The following ST3GAL1 variants were observed in gnomAD, a reference collection of about 807,000 sequenced individuals.
ST3GAL1 encodes CMP-N-acetylneuraminate-beta-galactosamide-alpha-2,3-sialyltransferase 1.
Under a neutral mutation model 34.1 loss-of-function variants are expected in ST3GAL1, and 16 were observed. That is an observed-to-expected ratio of 0.47 (90% CI 0.32 to 0.71). The LOEUF (loss-of-function observed/expected upper bound fraction) is 0.71. ST3GAL1 is among the 30% of genes least tolerant of loss of function. The probability of loss-of-function intolerance (pLI) is 0.04; values close to 1 mark genes in which losing one functional copy is unlikely to be tolerated. For missense variants in ST3GAL1, 353 were observed against 447.4 expected (o/e 0.79, Z 1.90); for synonymous variants, 191 against 184.7 (o/e 1.03, Z -0.28).
At chr8:133,549,505 G>A (rs910661804) in intron 1 of ST3GAL1, among the ~76,000 whole-genome samples, 6 of 152,128 alleles carry the variant, frequency 3.9e-5, no homozygotes, top group South Asian at 2.1e-4. Flanking sequence ...ACCTGTGGCC[G>A]ACTGTGATCT....
chr8:133,551,540 A>C (rs1191001656), intron 1 of ST3GAL1, among the ~76,000 whole-genome samples: 1 of 102,420 alleles, frequency 9.8e-6, no homozygotes, highest in African/African-American at 4.1e-5. Flanking sequence ...AAGAAAGAGA[A>C]GGAAAGAAAG....
At chr8:133,477,166 TTTC>T (rs1173511150) in intron 3 of ST3GAL1, among the ~76,000 whole-genome samples, 2 of 152,200 alleles carry the variant, frequency 1.3e-5, no homozygotes, top group South Asian at 2.1e-4. Flanking sequence ...TGACCCTCAG[TTTC>T]TTCTTCTGCA....
chr8:133,510,516 G>A (rs1347246496), intron 2 of ST3GAL1, among the ~76,000 whole-genome samples: 1 of 152,128 alleles, frequency 6.6e-6, no homozygotes, highest in East Asian at 1.9e-4. Flanking sequence ...AAAGCATTTG[G>A]ACCCTCAGAC....
chr8:133,564,165 G>C lies in ST3GAL1; in HGVS notation c.-582+7528C>G, dbSNP rs1018341473. 2.0e-5 allele frequency among the ~76,000 whole-genome samples: 3 copies of C among 152,226 alleles called. No individual in the cohort carries two copies. The South Asian group carries it at 6.2e-4, about 31-fold the overall frequency. ...CATCTGACTTCCTGAGAAATCAAGA[G>C]AGAGTCAATTTCTCAAATAAGCAGG... On this transcript the variant is annotated intron_variant, in intron 1 of 9. Coordinates refer to ENST00000522652, the MANE Select transcript of ST3GAL1 (RefSeq NM_173344.3).
At chr8:133,505,096 C>G (rs1287161630) in intron 2 of ST3GAL1, among the ~76,000 whole-genome samples, 1 of 152,122 alleles carries the variant, frequency 6.6e-6, no homozygotes, top group African/African-American at 2.4e-5. Context: ...TTTGGAGTTG[C>G]AGTATCCAAT....
chr8:133,519,762 A>G (rs2058911153), intron 2 of ST3GAL1, among the ~76,000 whole-genome samples: 1 of 144,100 alleles, frequency 6.9e-6, no homozygotes, highest in Non-Finnish European at 1.5e-5. Context: ...CCTGGCCAAC[A>G]TAGTGAAACC....
intron 3 of ST3GAL1, among the ~76,000 whole-genome samples, chr8:133,483,870 C>G (rs1183192637): frequency 6.6e-6 from 1 of 152,162 alleles, no homozygotes; most frequent in African/African-American, 2.4e-5. Context: ...TTTGATCTTC[C>G]CCAGGAAAAG....
chr8:133,499,176 C>T lies in ST3GAL1; in HGVS notation c.-415G>A, dbSNP rs1017223405. The T allele has an allele frequency of 6.6e-6, 1 of 152,288 alleles. No individual in the cohort carries two copies. Among genetic ancestry groups the T allele is most frequent in the African/African-American group, 2.4e-5 (1 of 41,454 alleles). 9.4% of individuals were successfully genotyped at this position (152,288 alleles called of 1,614,324 possible). On this transcript the variant is annotated 5_prime_UTR_variant, in exon 3 of 10. Transcript: ENST00000522652. ...GTGGAGTCTCTTAACCTCTCTGAACCTCAGTTTCTTCATCTGAAAAACAGA... is the reference window on the plus strand; with the variant it reads ...GTGGAGTCTCTTAACCTCTCTGAACTTCAGTTTCTTCATCTGAAAAACAGA...
rs1420396460 is a variant in ST3GAL1 at position 133,467,818 on chromosome 8, G to C, written c.307-1728C>G. ...ATGGAAGGAATCGGATGCCCCAAGG[G>C]GAGGCACACAAGCAGAACCAGATTG... On this transcript the variant is annotated intron_variant, in intron 5 of 9. Transcript: ENST00000522652. The surrounding 1 kb of genome is among the most constrained non-coding windows in gnomAD (Gnocchi z 4.2). 1.3e-5 allele frequency among the ~76,000 whole-genome samples: 2 copies of C among 152,118 alleles called. No individual in the cohort carries two copies. The highest frequency in any genetic ancestry group is 4.8e-5 in the African/African-American group (2 of 41,430).
intron 1 of ST3GAL1, among the ~76,000 whole-genome samples, chr8:133,568,276 C>T (rs965012288): frequency 2.0e-5 from 3 of 152,096 alleles, no homozygotes; most frequent in Non-Finnish European, 4.4e-5. Flanking sequence ...AGTTTGGGAG[C>T]CAAGTTGCAA....
intron 2 of ST3GAL1, among the ~76,000 whole-genome samples, chr8:133,540,288 C>A (rs1818427298): frequency 6.6e-6 from 1 of 152,224 alleles, no homozygotes; most frequent in South Asian, 2.1e-4. Flanking sequence ...CCAACAGCTC[C>A]TCGCTGCTGC....
intron 5 of ST3GAL1, among the ~76,000 whole-genome samples, chr8:133,470,774 G>C (rs947904565): frequency 6.6e-6 from 1 of 152,178 alleles, no homozygotes; most frequent in African/African-American, 2.4e-5. Flanking sequence ...AGTCGGGCAA[G>C]TGGGATAAGG....
chr8:133,546,368 A>T (rs2131076151), intron 1 of ST3GAL1, among the ~76,000 whole-genome samples: 1 of 152,014 alleles, frequency 6.6e-6, no homozygotes, highest in South Asian at 2.1e-4. Flanking sequence ...CTGTAGTCTC[A>T]GCTACTTGGG....
rs192262070 is a variant in ST3GAL1, at chr8:133,557,708, C to T, written c.-581-11782G>A. Reference sequence around the variant, plus strand: ...ACTAAAAATACAAAAATTAGCCAGGCGTGGTGGCGCGTGCCTGTAATCCCA... The same window carrying T: ...ACTAAAAATACAAAAATTAGCCAGGTGTGGTGGCGCGTGCCTGTAATCCCA... On this transcript the variant is annotated intron_variant, in intron 1 of 9. Transcript: ENST00000522652. Among the ~76,000 whole-genome samples the T allele has an allele frequency of 2.8e-4, 42 of 152,146 alleles. No homozygotes were observed. The East Asian group carries it at 5.8e-3, about 21-fold the overall frequency.
rs1816988627 is a variant in ST3GAL1, at chr8:133,497,455, A to ATTTTTTTTTTTTTTTTTT, written c.-374+1679_-374+1680insAAAAAAAAAAAAAAAAAA. On this transcript the variant is annotated intron_variant, in intron 3 of 9. Coordinates refer to ENST00000522652, the MANE Select transcript of ST3GAL1 (RefSeq NM_173344.3). The stretch of plus-strand genomic sequence containing the variant: ...CTTCTCTCCCATGCAATTTTGTTGG[A>ATTTTTTTTTTTTTTTTTT]ATTTTTTTTTTTTTTTTTTTTTTTT... Among the ~76,000 whole-genome samples, 13 of 101,242 alleles carry ATTTTTTTTTTTTTTTTTT rather than the reference A, an allele frequency of 1.3e-4. 5 individuals are homozygous for ATTTTTTTTTTTTTTTTTT. Among genetic ancestry groups the ATTTTTTTTTTTTTTTTTT allele is most frequent in the Non-Finnish European group, 1.2e-4 (6 of 52,146 alleles). 66.4% of individuals were successfully genotyped at this position (101,242 alleles called of 152,430 possible).
At chr8:133,539,078 A>C (rs1376654682) in intron 2 of ST3GAL1, among the ~76,000 whole-genome samples, 4 of 152,164 alleles carry the variant, frequency 2.6e-5, no homozygotes, top group Admixed American at 6.5e-5. Context: ...GTGCTCACAA[A>C]CACTCCCCCA....
rs141159096 is a variant in ST3GAL1, at chr8:133,532,619, T to C, written c.-429+13155A>G. Among the ~76,000 whole-genome samples, 355 of 152,250 alleles carry C rather than the reference T, an allele frequency of 2.3e-3. 2 individuals carry two copies. Among genetic ancestry groups the C allele is most frequent in the African/African-American group, 7.8e-3 (322 of 41,536 alleles). ...GACATCAAAAGCTACTTGGGACCAA[T>C]CAATAGTAATAGAGTGAAAGGCTCA... On this transcript the variant is annotated intron_variant, in intron 2 of 9. Coordinates refer to ENST00000522652, the MANE Select transcript of ST3GAL1 (RefSeq NM_173344.3).
intron 2 of ST3GAL1, among the ~76,000 whole-genome samples, chr8:133,541,986 G>C (rs1333836835): frequency 6.6e-6 from 1 of 152,148 alleles, no homozygotes; most frequent in South Asian, 2.1e-4. Flanking sequence ...AACCTATGGT[G>C]ATTTTAATAG....
At chr8:133,565,207 T>C (rs1819358043) in intron 1 of ST3GAL1, among the ~76,000 whole-genome samples, 1 of 145,760 alleles carries the variant, frequency 6.9e-6, no homozygotes, top group African/African-American at 2.6e-5. Flanking sequence ...CCTCCAGGCC[T>C]GCTCCTAATC....
Sources: gnomAD v4.1 joint callset for allele counts (sites outside exome capture counted in the v4.1 genomes callset) on GRCh38, gnomAD v4.1.1 for gene constraint, Gnocchi (gnomAD v3.1) non-coding constraint, MANE v1.5 for transcripts, NCBI Gene and HGNC (gene_info 2026-07-23, HGNC 2026-07-21) for gene names.